DDX10: variants seen among roughly 807,000 people sequenced by gnomAD.
DDX10 encodes the protein probable ATP-dependent RNA helicase DDX10.
A neutral mutation model predicts 104.3 loss-of-function variants in DDX10; 74 were observed. The observed-to-expected ratio is 0.71, with a 90% confidence interval of 0.59 to 0.86. The LOEUF is 0.86. Ranked by LOEUF, DDX10 falls within the 40% of genes least tolerant of loss-of-function variation. The pLI, the probability that DDX10 is intolerant of heterozygous loss-of-function variation, is 0.00. For missense variants in DDX10, 952 were observed against 1,040.0 expected, an observed-to-expected ratio of 0.92 and a Z score of 1.16; for synonymous variants, 351 against 353.4, an observed-to-expected ratio of 0.99 and a Z score of 0.08.
intron 13 of DDX10, among the ~76,000 whole-genome samples, chr11:108,781,191 G>C (rs2094377648): frequency 6.6e-6 from 1 of 152,102 alleles, no homozygotes; most frequent in Admixed American, 6.6e-5. Context: ...AATTCATTTA[G>C]GCTTATGGCC....
At chr11:108,844,909 T>C (rs1417051779) in intron 15 of DDX10, among the ~76,000 whole-genome samples, 1 of 152,116 alleles carries the variant, frequency 6.6e-6, no homozygotes. Flanking sequence ...GAAAAGAGTT[T>C]CTTCCTGCCG....
chr11:108,928,715 T>G (rs1299422073), intron 17 of DDX10, among the ~76,000 whole-genome samples: 1 of 152,206 alleles, frequency 6.6e-6, no homozygotes, highest in African/African-American at 2.4e-5. Flanking sequence ...GCAAAGTTAC[T>G]GTGAAGATCT....
intron 13 of DDX10, among the ~76,000 whole-genome samples, chr11:108,823,440 G>A (rs1283475689): frequency 1.3e-5 from 2 of 152,184 alleles, no homozygotes; most frequent in African/African-American, 2.4e-5. Flanking sequence ...ATAGAAAAAT[G>A]TCGGATGTAA....
At chr11:108,698,711 AAAC>A in intron 9 of DDX10, among the ~76,000 whole-genome samples, 1 of 152,280 alleles carries the variant, frequency 6.6e-6, no homozygotes, top group South Asian at 2.1e-4. Context: ...GTTCCTTCTA[AAAC>A]ATAAGTCGGA....
At chr11:108,918,292 C>CTT (rs201078868) in intron 17 of DDX10, 315 of 326,336 alleles carry the variant, frequency 9.7e-4, no homozygotes, top group Middle Eastern at 2.4e-3. Context: ...TTTCTCTATT[C>CTT]TTTTTTTTTT....
At chr11:108,852,131 T>G in intron 15 of DDX10, 22 bp from the exon 16 acceptor site, 1 of 1,594,566 alleles carries the variant, frequency 6.3e-7, no homozygotes, top group Non-Finnish European at 8.6e-7. Flanking sequence ...CTGCTAATTT[T>G]TCTCCTCTTC....
chr11:108,900,923 T>C (rs1469276), intron 16 of DDX10, among the ~76,000 whole-genome samples: 149,372 of 152,276 alleles, frequency 0.98, 73,325 homozygotes, highest in Middle Eastern at 1. Flanking sequence ...TCTTCGTTTA[T>C]GCTGTACCAT....
At chr11:108,909,408 T>C (rs1418695284) in intron 16 of DDX10, among the ~76,000 whole-genome samples, 1 of 59,958 alleles carries the variant, frequency 1.7e-5, no homozygotes, top group Non-Finnish European at 3.1e-5. Flanking sequence ...GCCCCTTCCC[T>C]TGTCCTGTGC....
chr11:108,795,145 T>A (rs1861922930), intron 13 of DDX10, among the ~76,000 whole-genome samples: 1 of 152,030 alleles, frequency 6.6e-6, no homozygotes, highest in Non-Finnish European at 1.5e-5. Context: ...TCTCTTTTTT[T>A]ATAATGTCTT....
At chr11:108,923,740 A>G (rs1306513424) in intron 17 of DDX10, among the ~76,000 whole-genome samples, 1 of 152,184 alleles carries the variant, frequency 6.6e-6, no homozygotes, top group African/African-American at 2.4e-5. Context: ...TGGAGTAGGT[A>G]GGGAATGAAC....
chr11:108,758,479 T>A (rs200400614), intron 13 of DDX10, among the ~76,000 whole-genome samples: 2 of 152,126 alleles, frequency 1.3e-5, no homozygotes, highest in East Asian at 1.9e-4. Context: ...ATACACTTAG[T>A]GGCTTAAAGC....
intron 6 of DDX10, among the ~76,000 whole-genome samples, chr11:108,685,809 G>A (rs2094243137): frequency 1.3e-5 from 2 of 152,136 alleles, no homozygotes; most frequent in Admixed American, 6.5e-5. Flanking sequence ...ATCTGTCAGT[G>A]TATCTAAAAT....
rs544975890 is a variant in DDX10 at position 108,741,907 on chromosome 11, T to C, written c.1965+18445T>C. On this transcript the variant is annotated intron_variant, in intron 13 of 17. Transcript: ENST00000322536. Reference sequence around the variant, plus strand: ...ACCAAGAGCAAACCAACCCCAAAGCTAGAAGAAGAAGACAAAAAGTAAAAT... The same window carrying C: ...ACCAAGAGCAAACCAACCCCAAAGCCAGAAGAAGAAGACAAAAAGTAAAAT... Among the ~76,000 whole-genome samples the C allele has an allele frequency of 2.0e-5, 3 of 152,108 alleles. No homozygotes were observed. The East Asian group carries it at 5.8e-4, about 29-fold the overall frequency.
At chr11:108,679,016 G>A (rs1247450870) in intron 5 of DDX10, among the ~76,000 whole-genome samples, 16 of 150,914 alleles carry the variant, frequency 1.1e-4, no homozygotes, top group African/African-American at 3.9e-4. Context: ...GCACCACCAC[G>A]CCCAGCTAAT....
chr11:108,815,700 A>T (rs1862245866), intron 13 of DDX10, among the ~76,000 whole-genome samples: 1 of 152,192 alleles, frequency 6.6e-6, no homozygotes, highest in African/African-American at 2.4e-5. Flanking sequence ...TTTCTAATAA[A>T]CACAGTGATA....
intron 13 of DDX10, among the ~76,000 whole-genome samples, chr11:108,726,986 C>T (rs1212238647): frequency 6.6e-6 from 1 of 151,982 alleles, no homozygotes; most frequent in Non-Finnish European, 1.5e-5. Context: ...GTATTGATTT[C>T]CCCCTGCTAC....
Position 108,917,913 on chromosome 11 carries a change from A to T in DDX10, c.2345A>T (p.Asp782Val), listed in dbSNP as rs769630710. ...GAAGCCTTTCTGGATTGGAGTGATG[A>T]TGATGATGATGATGATGATGGATTT... ...EEEAFLDWSDDDDDDDDGFDP... is the reference protein window; with the variant it reads ...EEEAFLDWSDVDDDDDDGFDP... Residue 782 changes from aspartate (D) to valine (V), a missense_variant, in exon 17 of 18, where the codon GAT becomes GTT. Asp to Val is a radical substitution (Grantham distance 152). This residue lies in a region of DDX10 where 533 missense variants were observed against 534.1 expected (regional missense o/e 1.00). Transcript: ENST00000322536. 5.7e-5 allele frequency: 92 copies of T among 1,611,966 alleles called. 2 individuals carry two copies. In the Middle Eastern group the frequency reaches 3.5e-3, roughly 61 times the overall value.
intron 13 of DDX10, among the ~76,000 whole-genome samples, chr11:108,798,016 T>G (rs1409555548): frequency 6.6e-6 from 1 of 152,226 alleles, no homozygotes; most frequent in Non-Finnish European, 1.5e-5. Context: ...TTCTCTTGTT[T>G]CTTTCCATTT....
rs762755684 is a variant in DDX10 at position 108,691,910 on chromosome 11, G to A, written c.1010G>A (p.Arg337His). The change falls in exon 8 of 18, where the codon CGT (arginine) becomes CAT (histidine). Residue 337 changes from arginine (R) to histidine (H), a missense_variant. Transcript: ENST00000322536. The part of the protein sequence containing the change: ...QYLYRVFCRL[R>H]PGVSILALHG... Reference sequence around the variant, plus strand: ...CTGTACCGAGTGTTTTGCCGGCTACGTCCTGGTGTTTCTATCCTTGCACTC... The same window carrying A: ...CTGTACCGAGTGTTTTGCCGGCTACATCCTGGTGTTTCTATCCTTGCACTC... 4.3e-5 allele frequency: 69 copies of A among 1,613,958 alleles called. No homozygotes were observed. Among genetic ancestry groups the A allele is most frequent in the Non-Finnish European group, 5.4e-5 (64 of 1,179,990 alleles).
Sources: gnomAD v4.1 joint callset for allele counts (sites outside exome capture counted in the v4.1 genomes callset) on GRCh38, gnomAD v4.1.1 for gene constraint, gnomAD v4.1.1 regional missense constraint, MANE v1.5 for transcripts, NCBI Gene and HGNC (gene_info 2026-07-23, HGNC 2026-07-21) for gene names.